The following PDGFRL variants were observed in gnomAD, a reference collection of about 807,000 sequenced individuals.
The protein encoded by PDGFRL is platelet-derived growth factor receptor-like protein.
Under a neutral mutation model 37.2 loss-of-function variants are expected in PDGFRL, and 46 were observed. That is an observed-to-expected ratio of 1.24 (90% CI 0.98 to 1.58). The LOEUF is 1.58. PDGFRL is among the 40% of genes most tolerant of loss of function. The pLI is 0.00. For synonymous variants in PDGFRL, 251 were observed against 184.3 expected, an observed-to-expected ratio of 1.36 and a Z score of -2.93; for missense variants, 692 against 467.6, an observed-to-expected ratio of 1.48 and a Z score of -4.43.
chr8:17,626,930 C>G (rs542575969), intron 3 of PDGFRL, among the ~76,000 whole-genome samples: 5 of 152,318 alleles, frequency 3.3e-5, no homozygotes, highest in African/African-American at 1.2e-4. Flanking sequence ...AAGAGACTGG[C>G]TGAGGATTCC....
chr8:17,640,417 G>T (rs758896197), intron 5 of PDGFRL, among the ~76,000 whole-genome samples: 8 of 152,074 alleles, frequency 5.3e-5, no homozygotes, highest in Non-Finnish European at 1.0e-4. Flanking sequence ...TATGGTAGAG[G>T]GAAGATCTGG....
intron 5 of PDGFRL, among the ~76,000 whole-genome samples, chr8:17,635,674 A>C (rs1049823586): frequency 6.6e-6 from 1 of 152,260 alleles, no homozygotes; most frequent in East Asian, 1.9e-4. Flanking sequence ...TGGTGGTTCT[A>C]CTTTTAGTTC....
chr8:17,627,469 AAT>A (rs2129794271), intron 3 of PDGFRL, among the ~76,000 whole-genome samples: 1 of 51,984 alleles, frequency 1.9e-5, no homozygotes, highest in South Asian at 7.6e-4. Context: ...TACCGATTGC[AAT>A]TTTTTTTTTT....
chr8:17,603,211 T>C (rs1362068536), intron 2 of PDGFRL, among the ~76,000 whole-genome samples: 1 of 152,200 alleles, frequency 6.6e-6, no homozygotes, highest in Admixed American at 6.5e-5. Context: ...GTTGAACTGT[T>C]GACCTCAAGT....
intron 1 of PDGFRL, among the ~76,000 whole-genome samples, chr8:17,587,254 A>G (rs1271067031): frequency 6.6e-6 from 1 of 152,206 alleles, no homozygotes; most frequent in Non-Finnish European, 1.5e-5. Flanking sequence ...TGCATAGATA[A>G]TAGCAAATAT....
chr8:17,596,234 C>T, intron 2 of PDGFRL: 2 of 623,200 alleles, frequency 3.2e-6, no homozygotes, highest in Non-Finnish European at 4.6e-6. Context: ...TCTGACCGGG[C>T]TGGGGGTGTC....
intron 2 of PDGFRL, among the ~76,000 whole-genome samples, chr8:17,589,969 T>G (rs942399150): frequency 6.6e-5 from 10 of 151,880 alleles, no homozygotes; most frequent in African/African-American, 2.4e-4. Context: ...CGGTGGCTCA[T>G]GCCTGTAATC....
intron 5 of PDGFRL, among the ~76,000 whole-genome samples, chr8:17,641,307 G>C (rs1352895844): frequency 1.3e-5 from 2 of 152,198 alleles, no homozygotes; most frequent in African/African-American, 4.8e-5. Flanking sequence ...TTCTGTCCAG[G>C]AAACTGTGTT....
intron 4 of PDGFRL, among the ~76,000 whole-genome samples, chr8:17,632,304 A>G (rs1585334071): frequency 6.6e-6 from 1 of 150,594 alleles, no homozygotes; most frequent in Non-Finnish European, 1.5e-5. Context: ...CCCTATGTCC[A>G]CCTTTTCTTT....
chr8:17,617,656 G>C (rs371575703), intron 2 of PDGFRL, among the ~76,000 whole-genome samples: 39 of 152,166 alleles, frequency 2.6e-4, no homozygotes, highest in Non-Finnish European at 4.7e-4. Flanking sequence ...TATTGTTTGC[G>C]TAGAAGAGGG....
At chr8:17,634,047 C>G (rs777939682) in intron 4 of PDGFRL, 27 bp from the exon 5 acceptor site, 3 of 1,612,150 alleles carry the variant, frequency 1.9e-6, no homozygotes, top group South Asian at 1.1e-5. Context: ...CGGGGTCTCA[C>G]TCTGCCTGTT....
intron 2 of PDGFRL, among the ~76,000 whole-genome samples, chr8:17,617,647 ATTG>A: frequency 6.6e-6 from 1 of 152,186 alleles, no homozygotes; most frequent in East Asian, 1.9e-4. Flanking sequence ...CCTGTTTTAT[ATTG>A]TTTGCGTAGA....
intron 1 of PDGFRL, 91 bp from the exon 2 acceptor site, chr8:17,589,377 A>G (rs1803882432): frequency 1.2e-6 from 1 of 859,786 alleles, no homozygotes; most frequent in Non-Finnish European, 1.7e-6. Context: ...TAGAGTAAGA[A>G]TCTGTCTCAA....
At chr8:17,627,989 CT>C (rs35707610) in intron 3 of PDGFRL, among the ~76,000 whole-genome samples, 7,959 of 89,290 alleles carry the variant, frequency 0.089, 117 homozygotes, top group African/African-American at 0.14. Flanking sequence ...TTCTTTCTTT[CT>C]TTTTTTTTTT....
intron 1 of PDGFRL, among the ~76,000 whole-genome samples, chr8:17,585,073 T>C (rs1416745084): frequency 6.6e-6 from 1 of 152,172 alleles, no homozygotes; most frequent in Non-Finnish European, 1.5e-5. Flanking sequence ...GATGTTACCA[T>C]GGCATTTGTA....
chr8:17,633,999 A>T (rs1804915232), intron 4 of PDGFRL, 75 bp from the exon 5 acceptor site: 12 of 1,399,658 alleles, frequency 8.6e-6, no homozygotes, highest in Non-Finnish European at 8.1e-6. Context: ...TCTCCATGGA[A>T]AAGAATGCAT....
chr8:17,601,007 C>T lies in PDGFRL; in HGVS notation c.353+11242C>T, dbSNP rs191417131. Among the ~76,000 whole-genome samples, 209 of 152,174 alleles carry T rather than the reference C, an allele frequency of 1.4e-3. 3 individuals are homozygous for T. The highest frequency in any genetic ancestry group is 1.5e-4 in the Non-Finnish European group (10 of 68,008). ...AAAGAAATAATAAACAAACTGAGCT[C>T]ATGATCTTTCTCCACACCTGGTCAT... On this transcript the variant is annotated intron_variant, in intron 2 of 5. Transcript: ENST00000251630.
At chr8:17,577,725 C>G (rs1382414280) in intron 1 of PDGFRL, among the ~76,000 whole-genome samples, 1 of 151,654 alleles carries the variant, frequency 6.6e-6, no homozygotes, top group African/African-American at 2.4e-5. Flanking sequence ...CACCTAAGCT[C>G]GGCAATCGCT....
At chr8:17,636,375 T>C (rs546210964) in intron 5 of PDGFRL, among the ~76,000 whole-genome samples, 58 of 152,356 alleles carry the variant, frequency 3.8e-4, no homozygotes, top group Middle Eastern at 3.4e-3. Flanking sequence ...GAATAGGGTG[T>C]CCTTTCCCCA....
Sources: allele counts gnomAD v4.1 joint callset (sites outside exome capture counted in the v4.1 genomes callset), GRCh38; gene constraint gnomAD v4.1.1; transcripts MANE v1.5; gene names NCBI Gene and HGNC (gene_info 2026-07-23, HGNC 2026-07-21).